Variants in NCKAP5 observed in about 807,000 individuals in gnomAD.
NCKAP5 encodes the protein NCK associated protein 5.
NCKAP5 carries 92 observed loss-of-function variants against 167.0 expected under a neutral mutation model. That is an observed-to-expected ratio of 0.55 (90% CI 0.47 to 0.66). The LOEUF is 0.66. NCKAP5 is among the 30% of genes least tolerant of loss of function. The probability of loss-of-function intolerance (pLI) is 0.00; values close to 1 mark genes in which losing one functional copy is unlikely to be tolerated. For synonymous variants in NCKAP5, 891 were observed against 877.4 expected, an observed-to-expected ratio of 1.02 and a Z score of -0.27; for missense variants, 2,378 against 2,315.0, an observed-to-expected ratio of 1.03 and a Z score of -0.56.
intron 6 of NCKAP5, among the ~76,000 whole-genome samples, chr2:133,111,842 G>C (rs1182416377): frequency 6.6e-6 from 1 of 152,138 alleles, no homozygotes; most frequent in Non-Finnish European, 1.5e-5. Context: ...TGACCACAGA[G>C]TAAAAGATAA....
intron 11 of NCKAP5, among the ~76,000 whole-genome samples, chr2:132,807,144 T>C (rs1276597018): frequency 1.3e-5 from 2 of 152,238 alleles, no homozygotes; most frequent in Admixed American, 1.3e-4. Context: ...AGTGCCATGC[T>C]GTTTTGGTGA....
At chr2:133,116,896 T>C (rs1325000572) in intron 6 of NCKAP5, 7 of 152,244 alleles carry the variant, frequency 4.6e-5, no homozygotes, top group Non-Finnish European at 1.0e-4. Flanking sequence ...GTTTAAAGCA[T>C]GTAGAAACAC....
chr2:133,284,936 G>A (rs545457699), intron 4 of NCKAP5, among the ~76,000 whole-genome samples: 44 of 152,234 alleles, frequency 2.9e-4, no homozygotes, highest in African/African-American at 3.4e-4. Flanking sequence ...ATGTCCTTAC[G>A]TTATTCATAT....
rs1443376521 is a variant in NCKAP5, at chr2:132,839,026, C to G, written c.807+21466G>C. The stretch of plus-strand genomic sequence containing the variant: ...GATTTGCACTTCTATCAACTGCCTT[C>G]TCATATATTTGTTCCATTTTCTAGC... On this transcript the variant is annotated intron_variant, in intron 11 of 19. Transcript: ENST00000409261. 2.6e-5 allele frequency among the ~76,000 whole-genome samples: 4 copies of G among 152,328 alleles called. No individual in the cohort carries two copies. The East Asian group carries it at 5.8e-4, about 22-fold the overall frequency.
At chr2:132,721,119 C>G (rs916658561) in intron 19 of NCKAP5, among the ~76,000 whole-genome samples, 1 of 151,800 alleles carries the variant, frequency 6.6e-6, no homozygotes, top group Non-Finnish European at 1.5e-5. Context: ...ACCAGCCTAG[C>G]CAATATGGTG....
chr2:132,717,671 T>C (rs558821053), intron 19 of NCKAP5, among the ~76,000 whole-genome samples: 1 of 152,342 alleles, frequency 6.6e-6, no homozygotes, highest in East Asian at 1.9e-4. Flanking sequence ...TCCATAGTCA[T>C]CATTTCCTTG....
At chr2:133,525,956 T>A (rs1031806663) in intron 2 of NCKAP5, among the ~76,000 whole-genome samples, 16 of 151,968 alleles carry the variant, frequency 1.1e-4, no homozygotes, top group Non-Finnish European at 1.9e-4. Flanking sequence ...ATAATAAAAA[T>A]CCCCTTAACA....
chr2:133,506,531 A>G (rs767933955), intron 3 of NCKAP5, among the ~76,000 whole-genome samples: 1 of 152,058 alleles, frequency 6.6e-6, no homozygotes, highest in African/African-American at 2.4e-5. Flanking sequence ...GTGTGAGGAG[A>G]ATGAAGTGGG....
intron 5 of NCKAP5, among the ~76,000 whole-genome samples, chr2:133,202,289 G>T (rs2085730649): frequency 6.6e-6 from 1 of 152,150 alleles, no homozygotes; most frequent in South Asian, 2.1e-4. Context: ...ATGGGGAAAG[G>T]ATTTCCCTAT....
intron 4 of NCKAP5, among the ~76,000 whole-genome samples, chr2:133,259,375 CTT>C (rs1015775470): frequency 1.3e-5 from 2 of 152,122 alleles, no homozygotes; most frequent in African/African-American, 4.8e-5. Flanking sequence ...TTATAACTAA[CTT>C]ATAACTAATT....
upstream of NCKAP5, among the ~76,000 whole-genome samples, chr2:133,569,343 G>A (rs562448332): frequency 1.5e-4 from 23 of 152,128 alleles, no homozygotes; most frequent in African/African-American, 5.1e-4. Flanking sequence ...GCCACGAAGC[G>A]CGAACACTCC....
chr2:133,196,533 T>A (rs2085446342), intron 5 of NCKAP5, among the ~76,000 whole-genome samples: 1 of 152,178 alleles, frequency 6.6e-6, no homozygotes, highest in African/African-American at 2.4e-5. Flanking sequence ...CCACAGTCTG[T>A]ACCACAGAAC....
intron 6 of NCKAP5, among the ~76,000 whole-genome samples, chr2:133,015,670 T>C (rs1315554972): frequency 2.6e-5 from 4 of 152,188 alleles, no homozygotes; most frequent in African/African-American, 9.7e-5. Flanking sequence ...CCACTAATTA[T>C]TGAGTCTTAA....
chr2:133,452,521 TGCTTCTAAG>T (rs1691611961), intron 3 of NCKAP5, among the ~76,000 whole-genome samples: 1 of 152,234 alleles, frequency 6.6e-6, no homozygotes, highest in South Asian at 2.1e-4. Context: ...TTTGTAACTA[TGCTTCTAAG>T]TGGCATAGAT....
At chr2:133,287,035 G>T (rs781547235) in intron 4 of NCKAP5, among the ~76,000 whole-genome samples, 21 of 152,150 alleles carry the variant, frequency 1.4e-4, no homozygotes, top group Non-Finnish European at 2.5e-4. Flanking sequence ...ATTTGCAGTG[G>T]TACAGAACTC....
At chr2:133,632,230 G>A in the NCKAP5 span, among the ~76,000 whole-genome samples, 1 of 152,208 alleles carries the variant, frequency 6.6e-6, no homozygotes, top group Admixed American at 6.5e-5. Flanking sequence ...CTGCAGGCAG[G>A]AGCCTGTTCT....
intron 7 of NCKAP5, among the ~76,000 whole-genome samples, chr2:132,967,382 G>A (rs1441492616): frequency 1.3e-5 from 2 of 152,130 alleles, no homozygotes; most frequent in Non-Finnish European, 2.9e-5. Context: ...ATGATTCTAT[G>A]GAAACTGAAT....
intron 1 of NCKAP5, among the ~76,000 whole-genome samples, chr2:133,562,776 A>T (rs1688256477): frequency 1.3e-5 from 2 of 152,220 alleles, no homozygotes; most frequent in Admixed American, 1.3e-4. Flanking sequence ...AAATACCAAG[A>T]TTAATTTATG....
rs3069016 is a variant in NCKAP5, at chr2:132,687,712, A to AACACACACAC, written c.5714-14417_5714-14408dup. ...ACTGCTAAGCACGGACACCTACCTA[A>AACACACACAC]ACACACACACACACACACACACACA... On this transcript the variant is annotated intron_variant, in intron 19 of 19. Coordinates refer to ENST00000409261, the MANE Select transcript of NCKAP5 (RefSeq NM_207363.3). Among the ~76,000 whole-genome samples, 1,127 of 131,628 alleles carry AACACACACAC rather than the reference A, an allele frequency of 8.6e-3. 15 individuals carry two copies. Among genetic ancestry groups the AACACACACAC allele is most frequent in the African/African-American group, 0.023 (802 of 35,512 alleles). 86.4% of individuals were successfully genotyped at this position (131,628 alleles called of 152,430 possible). A position where few individuals can be genotyped will look rare whatever the true frequency, so the allele number is the denominator to read the frequency against.
Sources: allele counts gnomAD v4.1 joint callset (sites outside exome capture counted in the v4.1 genomes callset), GRCh38; gene constraint gnomAD v4.1.1; transcripts MANE v1.5; gene names NCBI Gene and HGNC (gene_info 2026-07-23, HGNC 2026-07-21).